ZNF385A: variants seen among roughly 807,000 people sequenced by gnomAD.
ZNF385A encodes the protein zinc finger protein 385A.
A neutral mutation model predicts 32.1 loss-of-function variants in ZNF385A; 14 were observed. The observed-to-expected ratio is 0.44, with a 90% CI of 0.29 to 0.68. The LOEUF (loss-of-function observed/expected upper bound fraction) is 0.68, where lower values mean the gene tolerates loss of function less well. Among genes scored for constraint, ZNF385A ranks in the 30% least tolerant of loss-of-function variants. The pLI is 0.14. For synonymous variants in ZNF385A, 197 were observed against 202.7 expected, an observed-to-expected ratio of 0.97 and a Z score of 0.24; for missense variants, 406 against 478.4, an observed-to-expected ratio of 0.85 and a Z score of 1.41.
In ZNF385A at chr12:54,370,753, C is replaced by T; in HGVS notation, c.775-32G>A. 1 of 1,576,564 alleles carries T rather than the reference C, an allele frequency of 6.3e-7. No individual in the cohort carries two copies. The highest frequency in any genetic ancestry group is 8.6e-7 in the Non-Finnish European group (1 of 1,164,474). Reference sequence around the variant, plus strand: ...GGGCCAGTGGATAGGGGGCTGTGAGCTCCCGGAAAGGGGCAACAGCGAGGG... The same window carrying T: ...GGGCCAGTGGATAGGGGGCTGTGAGTTCCCGGAAAGGGGCAACAGCGAGGG... On this transcript the variant is annotated intron_variant, in intron 5 of 6. Transcript: ENST00000394313. The surrounding 1 kb of genome is among the most constrained non-coding windows in gnomAD (Gnocchi z 5.5).
rs529945522 is a variant in ZNF385A, at chr12:54,370,042, G to A, written c.*214C>T. The A allele has an allele frequency of 3.3e-4, 139 of 425,298 alleles. No homozygotes were observed. Among genetic ancestry groups the A allele is most frequent in the Non-Finnish European group, 5.3e-4 (129 of 241,328 alleles). The allele number at this position is 425,298 out of a possible 1,614,324, so 26.3% of individuals were successfully genotyped here. On this transcript the variant is annotated 3_prime_UTR_variant, in exon 7 of 7. Coordinates refer to ENST00000394313, the MANE Select transcript of ZNF385A (RefSeq NM_015481.3). This position sits in a 1 kb window ranked among gnomAD's most constrained non-coding sequence, Gnocchi z 5.5. ...TTTTCTAGGGGAGAGGGAAAGGCAG[G>A]GGGCGGGGTTCCCTGAGATCTGGGG... is the stretch of plus-strand genomic sequence containing the variant.
At chr12:54,378,067 C>T (rs1458286846) in intron 1 of ZNF385A, among the ~76,000 whole-genome samples, 2 of 152,162 alleles carry the variant, frequency 1.3e-5, no homozygotes, top group Non-Finnish European at 2.9e-5. Flanking sequence ...TGCACAACCC[C>T]CTCCCCTGGT....
intron 1 of ZNF385A, among the ~76,000 whole-genome samples, chr12:54,390,293 C>T (rs1054660863): frequency 6.6e-6 from 1 of 151,968 alleles, no homozygotes; most frequent in Non-Finnish European, 1.5e-5. Flanking sequence ...GGGCATGCAG[C>T]CGGCGCTGAT....
At chr12:54,389,925 G>A (rs752731751) in intron 1 of ZNF385A, among the ~76,000 whole-genome samples, 8 of 152,108 alleles carry the variant, frequency 5.3e-5, no homozygotes, top group Non-Finnish European at 1.2e-4. Flanking sequence ...GGTGGAGGGG[G>A]TGAGACATAC....
rs192805911 is a variant in ZNF385A at position 54,378,103 on chromosome 12, G to A, written c.88-2149C>T. On this transcript the variant is annotated intron_variant, in intron 1 of 6. Transcript: ENST00000394313. ...TTAAGTCCATAAACACCAACTAGGAGTGGGAGTGGGGAGTGGGGAAGAGGG... is the reference window on the plus strand; with the variant it reads ...TTAAGTCCATAAACACCAACTAGGAATGGGAGTGGGGAGTGGGGAAGAGGG... 1.5e-3 allele frequency among the ~76,000 whole-genome samples: 229 copies of A among 152,326 alleles called. 1 individual carries two copies. Among genetic ancestry groups the A allele is most frequent in the Admixed American group, 0.014 (215 of 15,306 alleles).
chr12:54,370,749 T>A lies in ZNF385A; in HGVS notation c.775-28A>T. 1 of 1,576,852 alleles carries A rather than the reference T, an allele frequency of 6.3e-7. No individual in the cohort carries two copies. The highest frequency in any genetic ancestry group is 8.6e-7 in the Non-Finnish European group (1 of 1,164,822). ...GCGGGGGCCAGTGGATAGGGGGCTGTGAGCTCCCGGAAAGGGGCAACAGCG... is the reference window on the plus strand; with the variant it reads ...GCGGGGGCCAGTGGATAGGGGGCTGAGAGCTCCCGGAAAGGGGCAACAGCG... On this transcript the variant is annotated intron_variant, in intron 5 of 6. Transcript: ENST00000394313. The surrounding 1 kb of genome is among the most constrained non-coding windows in gnomAD (Gnocchi z 5.5).
At chr12:54,384,306 A>T in intron 1 of ZNF385A, 122 bp downstream of exon 1, 2 of 1,200,000 alleles carry the variant, frequency 1.7e-6, no homozygotes, top group Non-Finnish European at 2.3e-6. Context: ...AACTAGAATT[A>T]AGGAAGATGG....
rs570607338 is a variant in ZNF385A at position 54,370,140 on chromosome 12, G to A, written c.*116C>T. On this transcript the variant is annotated 3_prime_UTR_variant, in exon 7 of 7. Coordinates refer to ENST00000394313, the MANE Select transcript of ZNF385A (RefSeq NM_015481.3). This position sits in a 1 kb window ranked among gnomAD's most constrained non-coding sequence, Gnocchi z 5.5. ...CCTGGAACCCCGTATCTCGGGGTGG[G>A]GGGGGGGAAGGAGAGATCATTTAGG... is the stretch of plus-strand genomic sequence containing the variant. 4 of 782,724 alleles carry A rather than the reference G, an allele frequency of 5.1e-6. No individual in the cohort carries two copies. The highest frequency in any genetic ancestry group is 3.7e-5 in the South Asian group (1 of 26,672). 48.5% of individuals were successfully genotyped at this position (782,724 alleles called of 1,614,324 possible).
chr12:54,385,003 C>A, upstream of ZNF385A: 1 of 669,644 alleles, frequency 1.5e-6, no homozygotes, highest in Non-Finnish European at 1.9e-6. Context: ...GTGATTCATC[C>A]TACTGACCAG....
At chr12:54,379,007 T>TG in intron 1 of ZNF385A, 2 of 943,726 alleles carry the variant, frequency 2.1e-6, no homozygotes, top group African/African-American at 2.0e-5. Context: ...GGGGACGGGG[T>TG]GGGGGTGCGC....
At chr12:54,382,426 G>T (rs1275522008) in intron 1 of ZNF385A, among the ~76,000 whole-genome samples, 2 of 152,246 alleles carry the variant, frequency 1.3e-5, no homozygotes, top group Admixed American at 6.5e-5. Flanking sequence ...TCCCTCATTT[G>T]GGGGGAGCAG....
intron 1 of ZNF385A, chr12:54,391,213 TG>T: frequency 6.8e-7 from 1 of 1,463,314 alleles, no homozygotes; most frequent in Non-Finnish European, 9.1e-7. Flanking sequence ...GCCGGGAGCC[TG>T]GAGTCGCAGA....
upstream of ZNF385A, among the ~76,000 whole-genome samples, chr12:54,387,210 G>T (rs545276316): frequency 6.6e-6 from 1 of 152,324 alleles, no homozygotes; most frequent in South Asian, 2.1e-4. Context: ...AGGAAAACAG[G>T]TAGCAGCCAC....
At chr12:54,381,763 T>C (rs551091857) in intron 1 of ZNF385A, among the ~76,000 whole-genome samples, 1 of 152,238 alleles carries the variant, frequency 6.6e-6, no homozygotes, top group East Asian at 1.9e-4. Flanking sequence ...AAAGCCCAAA[T>C]TATATGTCAC....
rs1954437102 is a variant in ZNF385A at position 54,370,126 on chromosome 12, G to T, written c.*130C>A. On this transcript the variant is annotated 3_prime_UTR_variant, in exon 7 of 7. Transcript: ENST00000394313. The surrounding 1 kb of genome is among the most constrained non-coding windows in gnomAD (Gnocchi z 5.5). ...TACCCCTCCCCTTTCCTGGAACCCCGTATCTCGGGGTGGGGGGGGGGAAGG... is the reference window on the plus strand; with the variant it reads ...TACCCCTCCCCTTTCCTGGAACCCCTTATCTCGGGGTGGGGGGGGGGAAGG... 2 of 724,168 alleles carry T rather than the reference G, an allele frequency of 2.8e-6. No homozygotes were observed. Among genetic ancestry groups the T allele is most frequent in the Non-Finnish European group, 2.0e-6 (1 of 498,332 alleles). The allele number at this position is 724,168 out of a possible 1,614,324, so 44.9% of individuals were successfully genotyped here.
intron 1 of ZNF385A, 35 bp downstream of exon 1, chr12:54,384,393 A>G: frequency 6.4e-7 from 1 of 1,553,524 alleles, no homozygotes. Context: ...GTCGGGTCAC[A>G]AGAGGATGGA....
At chr12:54,391,186 CAG>C (rs1331232067) in intron 1 of ZNF385A, 4 of 1,471,480 alleles carry the variant, frequency 2.7e-6, no homozygotes, top group Non-Finnish European at 3.6e-6. Context: ...GGGTGACCCA[CAG>C]AGAGGAACCC....
chr12:54,385,626 C>T (rs1050078609), upstream of ZNF385A: 21 of 985,112 alleles, frequency 2.1e-5, no homozygotes, highest in East Asian at 1.4e-3. Context: ...AGCAGAAGGT[C>T]TCCAGGATCC....
chr12:54,382,955 G>C (rs1397477977), intron 1 of ZNF385A, among the ~76,000 whole-genome samples: 1 of 151,848 alleles, frequency 6.6e-6, no homozygotes, highest in African/African-American at 2.4e-5. Flanking sequence ...ACAAGGTCAG[G>C]GTTCCAGACC....
Sources: allele counts gnomAD v4.1 joint callset (sites outside exome capture counted in the v4.1 genomes callset), GRCh38; gene constraint gnomAD v4.1.1; non-coding constraint Gnocchi (gnomAD v3.1); transcripts MANE v1.5; gene names NCBI Gene and HGNC (gene_info 2026-07-23, HGNC 2026-07-21).